UBAC2: variants seen among roughly 807,000 people sequenced by gnomAD.
UBAC2 encodes the protein ubiquitin-associated domain-containing protein 2.
In UBAC2, 26 loss-of-function variants were observed where a neutral mutation model predicts 44.0. The observed-to-expected ratio is 0.59, with a 90% CI of 0.43 to 0.82. The LOEUF (loss-of-function observed/expected upper bound fraction) is 0.82. UBAC2 is among the 40% of genes least tolerant of loss of function. The probability of loss-of-function intolerance (pLI) is 0.00; values close to 1 mark genes in which losing one functional copy is unlikely to be tolerated. For missense variants in UBAC2, 329 were observed against 419.4 expected (o/e 0.78, Z 1.88); for synonymous variants, 155 against 154.3 (o/e 1.00, Z -0.04).
At chr13:99,266,250 T>C (rs900385574) in intron 4 of UBAC2, among the ~76,000 whole-genome samples, 45 of 152,116 alleles carry the variant, frequency 3.0e-4, no homozygotes, top group Admixed American at 2.6e-3. Flanking sequence ...ATAATAGATA[T>C]GAATGTATTC....
intron 4 of UBAC2, among the ~76,000 whole-genome samples, chr13:99,312,472 T>G (rs1379346105): frequency 2.0e-5 from 3 of 152,212 alleles, no homozygotes; most frequent in African/African-American, 7.2e-5. Flanking sequence ...GAATGTAAGA[T>G]TTCCGTCCTG....
intron 7 of UBAC2, among the ~76,000 whole-genome samples, chr13:99,343,848 A>C (rs1323928978): frequency 6.6e-6 from 1 of 152,226 alleles, no homozygotes; most frequent in Non-Finnish European, 1.5e-5. Flanking sequence ...ATTTGTGTGC[A>C]TGCACGAGTA....
At chr13:99,363,804 T>C (rs1166868727) in intron 7 of UBAC2, among the ~76,000 whole-genome samples, 5 of 152,246 alleles carry the variant, frequency 3.3e-5, no homozygotes, top group Non-Finnish European at 7.3e-5. Context: ...TCTGCTAGAC[T>C]GGAGTTGGCA....
chr13:99,285,269 G>GCTC (rs1267462070), intron 4 of UBAC2, among the ~76,000 whole-genome samples: 2 of 151,868 alleles, frequency 1.3e-5, no homozygotes, highest in Non-Finnish European at 2.9e-5. Flanking sequence ...TGCTGCTGCT[G>GCTC]CTCCTCCTGC....
chr13:99,360,068 A>T (rs2045244405), intron 7 of UBAC2, among the ~76,000 whole-genome samples: 1 of 152,156 alleles, frequency 6.6e-6, no homozygotes, highest in African/African-American at 2.4e-5. Context: ...AAAACATCGC[A>T]TTCATAATGC....
At position 99,353,786 on chromosome 13, in the gene UBAC2, A is replaced by G. The variant is rs187356706; in HGVS notation, c.807+13221A>G. On this transcript the variant is annotated intron_variant, in intron 7 of 8. Coordinates refer to ENST00000403766, the MANE Select transcript of UBAC2 (RefSeq NM_001144072.2). The stretch of plus-strand genomic sequence containing the variant: ...ACCAGAAAAAAGCTCTTAATGAGGA[A>G]CAGACCACTGGAGTACCCATGAGCA... Among the ~76,000 whole-genome samples the G allele has an allele frequency of 8.4e-4, 128 of 152,340 alleles. 1 individual carries two copies. Among genetic ancestry groups the G allele is most frequent in the South Asian group, 3.7e-3 (18 of 4,828 alleles).
Position 99,295,673 on chromosome 13 carries a change from A to G in UBAC2, c.390-18424A>G. The G allele has an allele frequency of 1.2e-6, 2 of 1,614,194 alleles. No homozygotes were observed. Among genetic ancestry groups the G allele is most frequent in the Non-Finnish European group, 1.7e-6 (2 of 1,180,042 alleles). Reference sequence around the variant, plus strand: ...GAGTGGGAGTGTCTGAGCAAATACTAGAATCCAGACAAATATGCACACGCC... The same window carrying G: ...GAGTGGGAGTGTCTGAGCAAATACTGGAATCCAGACAAATATGCACACGCC... On this transcript the variant is annotated intron_variant, in intron 4 of 8. Coordinates refer to ENST00000403766, the MANE Select transcript of UBAC2 (RefSeq NM_001144072.2). The surrounding 1 kb of genome is among the most constrained non-coding windows in gnomAD (Gnocchi z 4.1).
chr13:99,330,642 T>G (rs2044704526), intron 6 of UBAC2, among the ~76,000 whole-genome samples: 1 of 151,918 alleles, frequency 6.6e-6, no homozygotes, highest in Non-Finnish European at 1.5e-5. Context: ...CTTTCCCAAT[T>G]TGTACCTTTT....
At chr13:99,259,370 AC>A in intron 4 of UBAC2, among the ~76,000 whole-genome samples, 1 of 151,388 alleles carries the variant, frequency 6.6e-6, no homozygotes, top group East Asian at 1.9e-4. Flanking sequence ...CTCAGACAAA[AC>A]CATAGTAAAT....
intron 6 of UBAC2, among the ~76,000 whole-genome samples, chr13:99,332,659 C>A (rs1000168266): frequency 3.3e-5 from 5 of 152,174 alleles, no homozygotes; most frequent in Non-Finnish European, 7.4e-5. Flanking sequence ...AGTGCTCAAA[C>A]TCCAACTCGA....
At chr13:99,335,545 G>A (rs2044776040) in intron 6 of UBAC2, among the ~76,000 whole-genome samples, 2 of 152,280 alleles carry the variant, frequency 1.3e-5, no homozygotes, top group Non-Finnish European at 2.9e-5. Context: ...TGCACAAACG[G>A]CATAGACTAT....
At chr13:99,349,286 A>G (rs532151776) in intron 7 of UBAC2, among the ~76,000 whole-genome samples, 1 of 152,346 alleles carries the variant, frequency 6.6e-6, no homozygotes, top group East Asian at 1.9e-4. Context: ...TCTGTTCTCT[A>G]CCACTGGCCC....
At chr13:99,255,489 G>A (rs367651389) in intron 4 of UBAC2, 57 of 1,614,010 alleles carry the variant, frequency 3.5e-5, no homozygotes, top group Admixed American at 8.3e-5. Context: ...GTTCTTTGGC[G>A]TACTTCGGCT....
rs149615763 is a variant in UBAC2, at chr13:99,233,644, A to G, written c.32-4783A>G. ...GAAAAAGAATGCAACTGATTGTGAC[A>G]CATTGACTAAGTAAAAATCCATGAG... On this transcript the variant is annotated intron_variant, in intron 1 of 8. Coordinates refer to ENST00000403766, the MANE Select transcript of UBAC2 (RefSeq NM_001144072.2). Among the ~76,000 whole-genome samples the G allele has an allele frequency of 4.7e-3, 710 of 152,308 alleles. 2 individuals carry two copies. The highest frequency in any genetic ancestry group is 0.02 in the Middle Eastern group (6 of 294).
At chr13:99,294,367 A>G (rs1250050847) in intron 4 of UBAC2, among the ~76,000 whole-genome samples, 1 of 152,200 alleles carries the variant, frequency 6.6e-6, no homozygotes, top group East Asian at 1.9e-4. Context: ...ATTGCTAAGC[A>G]GAGGCCCTAA....
chr13:99,328,365 C>T (rs748508269), intron 6 of UBAC2, among the ~76,000 whole-genome samples: 9 of 152,148 alleles, frequency 5.9e-5, no homozygotes, highest in Admixed American at 1.3e-4. Flanking sequence ...TCTTTAGGAA[C>T]GGAATTGCTG....
At chr13:99,252,145 G>A (rs936419641) in intron 4 of UBAC2, among the ~76,000 whole-genome samples, 1 of 152,154 alleles carries the variant, frequency 6.6e-6, no homozygotes, top group Non-Finnish European at 1.5e-5. Flanking sequence ...AGCTTTCTTC[G>A]CTTGCTACGC....
At chr13:99,303,255 C>A (rs1326783311) in intron 4 of UBAC2, among the ~76,000 whole-genome samples, 1 of 152,210 alleles carries the variant, frequency 6.6e-6, no homozygotes, top group African/African-American at 2.4e-5. Flanking sequence ...TCTACTGTTT[C>A]CTCTTTGTGC....
At chr13:99,377,861 A>G (rs959854649) in intron 8 of UBAC2, among the ~76,000 whole-genome samples, 1 of 152,190 alleles carries the variant, frequency 6.6e-6, no homozygotes, top group African/African-American at 2.4e-5. Context: ...GCGAGGAAAC[A>G]GAGAGTCAGA....
Sources: allele counts gnomAD v4.1 joint callset (sites outside exome capture counted in the v4.1 genomes callset), GRCh38; gene constraint gnomAD v4.1.1; non-coding constraint Gnocchi (gnomAD v3.1); transcripts MANE v1.5; gene names NCBI Gene and HGNC (gene_info 2026-07-23, HGNC 2026-07-21).